Variants in TENM4 observed in about 807,000 individuals in gnomAD.
The protein encoded by TENM4 is teneurin-4.
TENM4 carries 82 observed loss-of-function variants against 243.3 expected under a neutral mutation model. The observed-to-expected ratio is 0.34, with a 90% CI of 0.28 to 0.40. The LOEUF (loss-of-function observed/expected upper bound fraction) is 0.40. TENM4 is among the 10% of genes least tolerant of loss of function. TENM4 has a pLI of 1.00. For synonymous variants in TENM4, 1,412 were observed against 1,456.3 expected (o/e 0.97, Z 0.69); for missense variants, 3,138 against 3,673.3 (o/e 0.85, Z 3.77).
intron 1 of TENM4, among the ~76,000 whole-genome samples, chr11:79,380,874 G>C (rs1286346908): frequency 6.6e-6 from 1 of 152,228 alleles, no homozygotes; most frequent in Admixed American, 6.5e-5. Flanking sequence ...GAAGATCGAA[G>C]AATAGAGGCT....
chr11:79,120,532 A>G (rs1861720830), intron 4 of TENM4, among the ~76,000 whole-genome samples: 1 of 152,228 alleles, frequency 6.6e-6, no homozygotes, highest in African/African-American at 2.4e-5. Context: ...TTTGGGCAGT[A>G]ACAATGCTGA....
At chr11:79,299,011 T>C (rs191248015) in intron 1 of TENM4, among the ~76,000 whole-genome samples, 4 of 152,172 alleles carry the variant, frequency 2.6e-5, no homozygotes, top group Admixed American at 6.5e-5. Flanking sequence ...GAATTTGTCA[T>C]TAAAACCATT....
chr11:78,946,750 G>T (rs1275595786), intron 6 of TENM4, among the ~76,000 whole-genome samples: 1 of 152,208 alleles, frequency 6.6e-6, no homozygotes, highest in Non-Finnish European at 1.5e-5. Flanking sequence ...ACTGATTCCA[G>T]CTCTCACGGG....
At chr11:79,093,457 A>C (rs899201620) in intron 4 of TENM4, 5 of 152,254 alleles carry the variant, frequency 3.3e-5, no homozygotes, top group African/African-American at 4.8e-5. Flanking sequence ...TACTTCCCCC[A>C]TTCCTAGGGC....
chr11:79,160,459 C>A (rs1862719847), intron 3 of TENM4, among the ~76,000 whole-genome samples: 1 of 152,054 alleles, frequency 6.6e-6, no homozygotes, highest in Admixed American at 6.6e-5. Flanking sequence ...TTGGGGAGAG[C>A]CTCTCTTCTC....
At chr11:78,964,075 GCT>G (rs1857391836) in intron 6 of TENM4, among the ~76,000 whole-genome samples, 1 of 115,700 alleles carries the variant, frequency 8.6e-6, no homozygotes. Flanking sequence ...ATGGAGTCTT[GCT>G]CTGTCGCCAG....
At chr11:79,164,133 G>T (rs1282522217) in intron 3 of TENM4, among the ~76,000 whole-genome samples, 1 of 112,964 alleles carries the variant, frequency 8.9e-6, no homozygotes, top group East Asian at 2.5e-4. Context: ...TGTATATATA[G>T]TATATATGTA....
In TENM4 at chr11:79,186,543, T is replaced by C. The variant is rs1318948414; in HGVS notation, c.-163+29265A>G. Among the ~76,000 whole-genome samples the C allele has an allele frequency of 2.0e-5, 3 of 152,244 alleles. No homozygotes were observed. The East Asian group carries it at 5.8e-4, about 29-fold the overall frequency. ...AGCTAGTCAGTGGCTAACTTTCCTC[T>C]TCTTACTGTAATGCCTAATGGCAGT... On this transcript the variant is annotated intron_variant, in intron 3 of 33. Transcript: ENST00000278550.
chr11:78,898,125 C>G (rs1013815960), intron 7 of TENM4, among the ~76,000 whole-genome samples: 2 of 152,160 alleles, frequency 1.3e-5, no homozygotes. Flanking sequence ...CACAGATGCA[C>G]CTATAGAAGC....
At chr11:78,667,574 G>C (rs1201157557) in intron 32 of TENM4, among the ~76,000 whole-genome samples, 1 of 152,124 alleles carries the variant, frequency 6.6e-6, no homozygotes, top group Non-Finnish European at 1.5e-5. Flanking sequence ...GGGCAGAGCA[G>C]GTGGCTTTTC....
chr11:79,142,115 A>T (rs551140614), intron 4 of TENM4, among the ~76,000 whole-genome samples: 7 of 152,190 alleles, frequency 4.6e-5, no homozygotes, highest in African/African-American at 1.2e-4. Flanking sequence ...GTTATTTAAC[A>T]TAGTACTGGA....
intron 12 of TENM4, among the ~76,000 whole-genome samples, chr11:78,849,872 A>T (rs1858490645): frequency 6.6e-6 from 1 of 152,272 alleles, no homozygotes; most frequent in Admixed American, 6.5e-5. Context: ...TGAGTGAATT[A>T]TAGTTCAGCT....
Position 78,841,255 on chromosome 11 carries a change from G to T in TENM4, c.1681+12849C>A, listed in dbSNP as rs1019530443. On this transcript the variant is annotated intron_variant, in intron 12 of 33. Transcript: ENST00000278550. Reference sequence around the variant, plus strand: ...AAAGTCCCACTGCTATTAAGTGGCAGAGACTGTATTCAACCAGCTACCTGG... The same window carrying T: ...AAAGTCCCACTGCTATTAAGTGGCATAGACTGTATTCAACCAGCTACCTGG... Among the ~76,000 whole-genome samples, 4 of 152,306 alleles carry T rather than the reference G, an allele frequency of 2.6e-5. No homozygotes were observed. The South Asian group carries it at 8.3e-4, about 32-fold the overall frequency.
chr11:78,805,251 T>C (rs1857362841), intron 15 of TENM4, 41 bp downstream of exon 15: 1 of 30,794 alleles, frequency 3.2e-5, no homozygotes, highest in South Asian at 3.6e-4. Context: ...ACAGTGGAAA[T>C]CCCCTCCCTC....
chr11:78,820,232 A>AT (rs1476516960), intron 12 of TENM4, among the ~76,000 whole-genome samples: 1 of 152,248 alleles, frequency 6.6e-6, no homozygotes, highest in Non-Finnish European at 1.5e-5. Context: ...CTTAATCTTC[A>AT]TAAGAATTAT....
At chr11:79,124,481 G>A (rs531477060) in intron 4 of TENM4, among the ~76,000 whole-genome samples, 20 of 152,100 alleles carry the variant, frequency 1.3e-4, no homozygotes, top group South Asian at 6.2e-4. Flanking sequence ...CGGACTCCAC[G>A]TTCTTCAGTT....
intron 4 of TENM4, among the ~76,000 whole-genome samples, chr11:79,141,829 G>A (rs963029356): frequency 6.6e-6 from 1 of 151,948 alleles, no homozygotes; most frequent in Non-Finnish European, 1.5e-5. Flanking sequence ...CCAGATGCAA[G>A]GATGGTTCAA....
At chr11:78,985,570 C>G (rs188820033) in intron 6 of TENM4, among the ~76,000 whole-genome samples, 4 of 152,120 alleles carry the variant, frequency 2.6e-5, no homozygotes, top group African/African-American at 9.7e-5. Flanking sequence ...ATAATATTTA[C>G]TCATTCAAGA....
At position 79,265,649 on chromosome 11, in the gene TENM4, A is replaced by G. The variant is rs138687150; in HGVS notation, c.-265+31839T>C. On this transcript the variant is annotated intron_variant, in intron 2 of 33. Coordinates refer to ENST00000278550, the MANE Select transcript of TENM4 (RefSeq NM_001098816.3). ...TTTTGCTTTCATCTACTTTTCACATATATATCCATGTCAGCCTTGTGTGTG... is the reference window on the plus strand; with the variant it reads ...TTTTGCTTTCATCTACTTTTCACATGTATATCCATGTCAGCCTTGTGTGTG... Among the ~76,000 whole-genome samples, 178 of 152,212 alleles carry G rather than the reference A, an allele frequency of 1.2e-3. 3 individuals are homozygous for G. In the East Asian group the frequency reaches 0.032, roughly 27 times the overall value.
Sources: gnomAD v4.1 joint callset for allele counts (sites outside exome capture counted in the v4.1 genomes callset) on GRCh38, gnomAD v4.1.1 for gene constraint, MANE v1.5 for transcripts, NCBI Gene and HGNC (gene_info 2026-07-23, HGNC 2026-07-21) for gene names.